The following CTNNA1 variants were observed in gnomAD, a reference collection of about 807,000 sequenced individuals.
CTNNA1 encodes the protein catenin alpha-1.
In CTNNA1, 37 loss-of-function variants were observed where a neutral mutation model predicts 98.4. The ratio of observed to expected loss-of-function variants is 0.38; its 90% CI spans 0.29 to 0.49. The LOEUF (loss-of-function observed/expected upper bound fraction) is 0.49, where lower values mean the gene tolerates loss of function less well. Among genes scored for constraint, CTNNA1 ranks in the 20% least tolerant of loss-of-function variants. CTNNA1 has a pLI of 0.95. For missense variants in CTNNA1, 761 were observed against 1,147.2 expected, an observed-to-expected ratio of 0.66 and a Z score of 4.86; for synonymous variants, 404 against 413.2, an observed-to-expected ratio of 0.98 and a Z score of 0.27.
intron 7 of CTNNA1, among the ~76,000 whole-genome samples, chr5:138,852,750 C>T (rs1023483260): frequency 6.6e-6 from 1 of 152,070 alleles, no homozygotes; most frequent in Non-Finnish European, 1.5e-5. Context: ...TTCTACCCGC[C>T]TCTCTCCACA....
intron 1 of CTNNA1, among the ~76,000 whole-genome samples, chr5:138,774,899 G>A (rs918852932): frequency 4.6e-5 from 7 of 152,024 alleles, no homozygotes; most frequent in African/African-American, 4.8e-5. Context: ...ATGAGCCACC[G>A]CGCCCGTCCT....
intron 1 of CTNNA1, among the ~76,000 whole-genome samples, chr5:138,766,137 C>CACAT (rs34551869): frequency 0.038 from 5,830 of 152,136 alleles, 296 homozygotes; most frequent in African/African-American, 0.12. Context: ...ATGGGAGACA[C>CACAT]ACATACACAC....
intron 3 of CTNNA1, among the ~76,000 whole-genome samples, chr5:138,788,112 C>T (rs1561526601): frequency 1.3e-5 from 2 of 152,172 alleles, no homozygotes; most frequent in African/African-American, 2.4e-5. Flanking sequence ...ATCCCCCCAT[C>T]CTTATCAGAT....
At chr5:138,924,338 G>A (rs912171287) in intron 11 of CTNNA1, among the ~76,000 whole-genome samples, 172 bp from the exon 12 acceptor site, 14 of 150,878 alleles carry the variant, frequency 9.3e-5, no homozygotes, top group African/African-American at 3.2e-4. Flanking sequence ...GGTGATAACA[G>A]GTTTAGTTTC....
intron 7 of CTNNA1, among the ~76,000 whole-genome samples, chr5:138,854,327 T>TA (rs963044242): frequency 2.0e-5 from 3 of 152,020 alleles, no homozygotes; most frequent in Admixed American, 1.3e-4. Context: ...GAGCCAAACT[T>TA]AAAAAAAATC....
intron 7 of CTNNA1, among the ~76,000 whole-genome samples, chr5:138,883,989 G>T (rs527809089): frequency 1.3e-5 from 2 of 152,306 alleles, no homozygotes; most frequent in South Asian, 2.1e-4. Context: ...AATGTTTGAA[G>T]AAATAAATAT....
At chr5:138,824,438 A>G in intron 5 of CTNNA1, 92 bp from the exon 6 acceptor site, 1 of 1,366,324 alleles carries the variant, frequency 7.3e-7, no homozygotes, top group South Asian at 1.4e-5. Flanking sequence ...ATTAATAGAA[A>G]TTCTAACTTT....
chr5:138,908,534 G>A (rs376891470), intron 10 of CTNNA1, among the ~76,000 whole-genome samples: 2 of 152,044 alleles, frequency 1.3e-5, no homozygotes, highest in Non-Finnish European at 2.9e-5. Context: ...GCATGATGGC[G>A]TGCACTTGTA....
chr5:138,878,432 C>T (rs957635380), intron 7 of CTNNA1, among the ~76,000 whole-genome samples: 1 of 152,226 alleles, frequency 6.6e-6, no homozygotes, highest in African/African-American at 2.4e-5. Flanking sequence ...TTTCCGCAAA[C>T]ATATGACTTT....
chr5:138,932,805 C>T, intron 17 of CTNNA1, 93 bp downstream of exon 17: 2 of 1,490,402 alleles, frequency 1.3e-6, no homozygotes, highest in Non-Finnish European at 1.9e-6. Flanking sequence ...AACACCTGCC[C>T]TGGGAAAGTG....
intron 10 of CTNNA1, among the ~76,000 whole-genome samples, chr5:138,906,499 A>G (rs943753008): frequency 2.6e-5 from 4 of 152,372 alleles, no homozygotes; most frequent in East Asian, 1.9e-4. Context: ...AGATGGTAGC[A>G]TACACTGATC....
chr5:138,829,561 CT>C (rs1761057822), intron 7 of CTNNA1, among the ~76,000 whole-genome samples: 1 of 152,196 alleles, frequency 6.6e-6, no homozygotes, highest in Non-Finnish European at 1.5e-5. Flanking sequence ...CCAATCACCC[CT>C]GGTCATGAGT....
At chr5:138,754,491 T>G (rs1751406094) in intron 1 of CTNNA1, 1 of 152,206 alleles carries the variant, frequency 6.6e-6, no homozygotes, top group Non-Finnish European at 1.5e-5. Context: ...GCGAGATATG[T>G]CAAGTCTACG....
At chr5:138,839,807 T>C (rs1308053979) in intron 7 of CTNNA1, among the ~76,000 whole-genome samples, 1 of 152,180 alleles carries the variant, frequency 6.6e-6, no homozygotes, top group Non-Finnish European at 1.5e-5. Context: ...CAAAACTGAG[T>C]CTGAAACTAG....
At position 138,909,746 on chromosome 5, in the gene CTNNA1, G is replaced by A. The variant is rs1340214649; in HGVS notation, c.1389+5305G>A. On this transcript the variant is annotated intron_variant, in intron 10 of 17. Coordinates refer to ENST00000302763, the MANE Select transcript of CTNNA1 (RefSeq NM_001903.5). ...ATTTATCTTCCATATTGCTTCTTCT[G>A]TCATTGTGCTTATGGGAACCCTGAT... Among the ~76,000 whole-genome samples, 3 of 151,982 alleles carry A rather than the reference G, an allele frequency of 2.0e-5. No homozygotes were observed. The East Asian group carries it at 5.8e-4, about 29-fold the overall frequency.
intron 9 of CTNNA1, among the ~76,000 whole-genome samples, chr5:138,893,492 CAT>C (rs1581531002): frequency 6.6e-6 from 1 of 152,198 alleles, no homozygotes; most frequent in East Asian, 1.9e-4. Flanking sequence ...CATTTTTCCA[CAT>C]ATTATTGGCT....
intron 11 of CTNNA1, among the ~76,000 whole-genome samples, chr5:138,920,103 C>T (rs952726555): frequency 2.6e-5 from 4 of 151,656 alleles, no homozygotes; most frequent in Admixed American, 6.6e-5. Flanking sequence ...CTCAGCCTCC[C>T]GAGTAGCTGG....
At chr5:138,919,141 A>G (rs1349474135) in intron 11 of CTNNA1, among the ~76,000 whole-genome samples, 3 of 152,208 alleles carry the variant, frequency 2.0e-5, no homozygotes. Flanking sequence ...TTGCAAGCAC[A>G]TCTTTGCAGG....
chr5:138,825,349 A>G (rs1760549539), intron 6 of CTNNA1, among the ~76,000 whole-genome samples: 1 of 152,216 alleles, frequency 6.6e-6, no homozygotes, highest in South Asian at 2.1e-4. Context: ...ATAATGCCAT[A>G]ATTACTTTTC....
Sources: gnomAD v4.1 joint callset for allele counts (sites outside exome capture counted in the v4.1 genomes callset) on GRCh38, gnomAD v4.1.1 for gene constraint, MANE v1.5 for transcripts, NCBI Gene and HGNC (gene_info 2026-07-23, HGNC 2026-07-21) for gene names.